Variants in DOCK9 observed in about 807,000 individuals in gnomAD.
DOCK9 encodes the protein dedicator of cytokinesis 9, also known as dedicator of cytokinesis protein 9.
A neutral mutation model predicts 263.3 loss-of-function variants in DOCK9; 89 were observed. That is an observed-to-expected ratio of 0.34 (90% CI 0.28 to 0.40). DOCK9 has a LOEUF of 0.40. Ranked by LOEUF, DOCK9 falls within the 10% of genes least tolerant of loss-of-function variation. The pLI is 1.00. For missense variants in DOCK9, 2,140 were observed against 2,603.4 expected (o/e 0.82, Z 3.87); for synonymous variants, 976 against 973.1 (o/e 1.00, Z -0.06).
At position 98,930,216 on chromosome 13, in the gene DOCK9, T is replaced by G; in HGVS notation, c.285A>C (p.Thr95=). 2 of 1,612,364 alleles carry G rather than the reference T, an allele frequency of 1.2e-6. No homozygotes were observed. The highest frequency in any genetic ancestry group is 1.7e-6 in the Non-Finnish European group (2 of 1,179,240). The change falls in exon 3 of 53, where the codon ACA becomes ACC. Residue 95 remains threonine (T), a synonymous_variant. Transcript: ENST00000682017. ...CTTCCTCTTCCGCCTTCGCAGGCAC[T>G]GTTGAGCATATGTATCGACCCTGTC... ...LRRQGRYICS[T]VPAKAEEEAQ...
intron 1 of DOCK9, among the ~76,000 whole-genome samples, chr13:98,975,472 T>TACACACACACACACACACACAC (rs146581245): frequency 1.4e-5 from 2 of 142,414 alleles, no homozygotes; most frequent in African/African-American, 2.6e-5. Flanking sequence ...TCTAAACACA[T>TACACACACACACACACACACAC]ACACACACAC....
chr13:99,077,788 G>A (rs1479879432), intron 1 of DOCK9, among the ~76,000 whole-genome samples: 1 of 152,216 alleles, frequency 6.6e-6, no homozygotes, highest in African/African-American at 2.4e-5. Context: ...CCACATTCAA[G>A]ATGGGGGCTG....
intron 1 of DOCK9, among the ~76,000 whole-genome samples, chr13:99,025,566 G>T (rs1308197954): frequency 6.6e-6 from 1 of 152,228 alleles, no homozygotes; most frequent in South Asian, 2.1e-4. Flanking sequence ...TATTGGTGAG[G>T]ATGTGTTGAA....
intron 32 of DOCK9, 112 bp from the exon 33 acceptor site, chr13:98,860,634 G>C (rs2093836188): frequency 2.0e-6 from 2 of 990,442 alleles, no homozygotes; most frequent in Admixed American, 2.6e-5. Context: ...TGCATTCAAC[G>C]TGCCTGCCTG....
intron 48 of DOCK9, among the ~76,000 whole-genome samples, chr13:98,806,659 A>G (rs1311268302): frequency 2.6e-5 from 4 of 152,242 alleles, no homozygotes; most frequent in Admixed American, 2.6e-4. Context: ...CTATAATCCT[A>G]GCACTTTGGG....
intron 1 of DOCK9, among the ~76,000 whole-genome samples, chr13:98,989,602 G>A (rs1879342022): frequency 1.3e-5 from 2 of 152,090 alleles, no homozygotes; most frequent in African/African-American, 4.8e-5. Context: ...TGGGTTCCCA[G>A]AAATATCTCT....
intron 27 of DOCK9, among the ~76,000 whole-genome samples, chr13:98,870,495 C>T (rs1367009781): frequency 6.6e-6 from 1 of 152,198 alleles, no homozygotes; most frequent in Non-Finnish European, 1.5e-5. Context: ...ACTACCCAAG[C>T]TGGCCACTCC....
chr13:98,930,318 G>C lies in DOCK9; in HGVS notation c.244-61C>G, dbSNP rs1378345233. 2.1e-6 allele frequency: 3 copies of C among 1,426,870 alleles called. No individual in the cohort carries two copies. The African/African-American group carries it at 4.2e-5, about 20-fold the overall frequency. 88.4% of individuals were successfully genotyped at this position (1,426,870 alleles called of 1,614,324 possible). On this transcript the variant is annotated intron_variant, in intron 2 of 52. Transcript: ENST00000682017. ...GTGAAGGAGGCAGGTGCCAGCCTCA[G>C]AGTGCAGCTGTGTGCCCTGCAGCTG...
chr13:98,854,001 C>T (rs1371776436), intron 34 of DOCK9, among the ~76,000 whole-genome samples: 5 of 152,168 alleles, frequency 3.3e-5, no homozygotes, highest in African/African-American at 1.2e-4. Context: ...GGAGCCCAGG[C>T]GCCATCACCC....
At chr13:98,996,842 A>G (rs538405439) in intron 1 of DOCK9, among the ~76,000 whole-genome samples, 1 of 152,210 alleles carries the variant, frequency 6.6e-6, no homozygotes, top group South Asian at 2.1e-4. Context: ...ATTTCTTATT[A>G]TAATAACTTG....
chr13:98,989,349 A>ATGATGATG (rs1567176819), intron 1 of DOCK9, among the ~76,000 whole-genome samples: 7 of 98,948 alleles, frequency 7.1e-5, no homozygotes, highest in East Asian at 4.7e-4. Flanking sequence ...TGATGATGAT[A>ATGATGATG]ATAATAATAA....
chr13:98,955,318 C>CAA (rs200850785), intron 2 of DOCK9, 117 bp downstream of exon 2: 29 of 653,116 alleles, frequency 4.4e-5, no homozygotes, highest in Non-Finnish European at 5.1e-5. Flanking sequence ...GACTGTGTCT[C>CAA]AAAAAAAATA....
intron 45 of DOCK9, 43 bp downstream of exon 45, chr13:98,824,355 G>C (rs1221294837): frequency 2.5e-6 from 4 of 1,580,676 alleles, no homozygotes; most frequent in Non-Finnish European, 3.5e-6. Flanking sequence ...CAGGCTCCCA[G>C]ATACCCCAGT....
chr13:99,071,047 A>G (rs1193302090), intron 1 of DOCK9, among the ~76,000 whole-genome samples: 1 of 152,170 alleles, frequency 6.6e-6, no homozygotes, highest in African/African-American at 2.4e-5. Flanking sequence ...AAATCCACCT[A>G]TAACTTTTGA....
intron 36 of DOCK9, among the ~76,000 whole-genome samples, chr13:98,849,838 G>GT (rs1213159085): frequency 6.6e-6 from 1 of 152,110 alleles, no homozygotes; most frequent in Non-Finnish European, 1.5e-5. Flanking sequence ...AAACAGGCAC[G>GT]TATCTGTAAT....
At chr13:98,919,612 G>C (rs939921691) in intron 7 of DOCK9, among the ~76,000 whole-genome samples, 8 of 152,226 alleles carry the variant, frequency 5.3e-5, no homozygotes, top group Non-Finnish European at 1.5e-5. Flanking sequence ...AATGGTGACT[G>C]AATCTTTTGT....
chr13:99,068,438 A>G (rs1055914961), intron 1 of DOCK9, among the ~76,000 whole-genome samples: 8 of 152,214 alleles, frequency 5.3e-5, no homozygotes, highest in Non-Finnish European at 7.3e-5. Context: ...ACAGAAAATT[A>G]GCTGGGCACA....
In DOCK9 at chr13:98,829,158, C is replaced by T; in HGVS notation, c.4965+149G>A. ...TAAAATGCTCAGCTAACTATGAAGT[C>T]ACCCTAAGCTTCATACTGTTTAAAG... On this transcript the variant is annotated intron_variant, in intron 43 of 52. Transcript: ENST00000682017. This position sits in a 1 kb window ranked among gnomAD's most constrained non-coding sequence, Gnocchi z 4.1. 1 of 682,860 alleles carries T rather than the reference C, an allele frequency of 1.5e-6. No individual in the cohort carries two copies. The highest frequency in any genetic ancestry group is 2.4e-6 in the Non-Finnish European group (1 of 413,994). 42.3% of individuals were successfully genotyped at this position (682,860 alleles called of 1,614,324 possible). A position where few individuals can be genotyped will look rare whatever the true frequency, so the allele number is the denominator to read the frequency against.
At chr13:98,958,415 C>T (rs1434707522) in intron 1 of DOCK9, among the ~76,000 whole-genome samples, 4 of 152,222 alleles carry the variant, frequency 2.6e-5, no homozygotes, top group African/African-American at 9.6e-5. Context: ...AGAGGCTCTT[C>T]CCAGTTTGTT....
Sources: allele counts gnomAD v4.1 joint callset (sites outside exome capture counted in the v4.1 genomes callset), GRCh38; gene constraint gnomAD v4.1.1; non-coding constraint Gnocchi (gnomAD v3.1); transcripts MANE v1.5; gene names NCBI Gene and HGNC (gene_info 2026-07-23, HGNC 2026-07-21).